PITPNM2: variants seen among roughly 807,000 people sequenced by gnomAD.
The protein encoded by PITPNM2 is membrane-associated phosphatidylinositol transfer protein 2.
A neutral mutation model predicts 132.2 loss-of-function variants in PITPNM2; 35 were observed. The ratio of observed to expected loss-of-function variants is 0.26; its 90% CI spans 0.20 to 0.35. The LOEUF is 0.35. Ranked by LOEUF, PITPNM2 falls within the 10% of genes least tolerant of loss-of-function variation. The pLI, the probability that PITPNM2 is intolerant of heterozygous loss-of-function variation, is 1.00. For synonymous variants in PITPNM2, 738 were observed against 799.2 expected (o/e 0.92, Z 1.29); for missense variants, 1,332 against 1,912.0 (o/e 0.70, Z 5.66).
At position 123,117,532 on chromosome 12, in the gene PITPNM2, T is replaced by C. The variant is rs1258956163; in HGVS notation, c.-199-7044A>G. Among the ~76,000 whole-genome samples, 1 of 152,208 alleles carries C rather than the reference T, an allele frequency of 6.6e-6. No individual in the cohort carries two copies. The highest frequency in any genetic ancestry group is 1.5e-5 in the Non-Finnish European group (1 of 68,036). ...CATCTGTAGAGTGAGGAGGCTGGGC[T>C]TCATGACCTCTGAAAGGGTTCTCAG... On this transcript the variant is annotated intron_variant, in intron 1 of 25. Transcript: ENST00000320201. The surrounding 1 kb of genome is among the most constrained non-coding windows in gnomAD (Gnocchi z 4.7).
At chr12:123,112,006 C>A (rs1420596837) in intron 1 of PITPNM2, among the ~76,000 whole-genome samples, 1 of 152,160 alleles carries the variant, frequency 6.6e-6, no homozygotes, top group Non-Finnish European at 1.5e-5. Context: ...CCGCTCCAGC[C>A]CACCACAATG....
intron 1 of PITPNM2, among the ~76,000 whole-genome samples, chr12:123,110,871 G>A (rs1243898964): frequency 6.6e-6 from 1 of 152,240 alleles, no homozygotes; most frequent in Admixed American, 6.5e-5. Flanking sequence ...ACCGCAGAGA[G>A]GAGGCTGGAA....
At chr12:123,090,838 G>T (rs772908421) in intron 2 of PITPNM2, 2 of 152,260 alleles carry the variant, frequency 1.3e-5, no homozygotes, top group Non-Finnish European at 2.9e-5. Context: ...CCACATTGTG[G>T]TCTTCCTAAC....
chr12:123,046,109 AC>A (rs1221895693), intron 2 of PITPNM2, among the ~76,000 whole-genome samples: 7 of 151,694 alleles, frequency 4.6e-5, no homozygotes, highest in African/African-American at 1.5e-4. Flanking sequence ...CTTAGTCCCC[AC>A]CCCGACCCTG....
intron 2 of PITPNM2, among the ~76,000 whole-genome samples, chr12:123,069,927 C>G (rs1483629742): frequency 6.6e-6 from 1 of 152,168 alleles, no homozygotes; most frequent in Non-Finnish European, 1.5e-5. Context: ...CCCAAGGTGA[C>G]AGTGAAAAGC....
chr12:123,113,187 G>A (rs1392806536), intron 1 of PITPNM2, among the ~76,000 whole-genome samples: 1 of 152,234 alleles, frequency 6.6e-6, no homozygotes, highest in African/African-American at 2.4e-5. Context: ...TGAGTGGGTA[G>A]TGCTGCCGAA....
chr12:123,102,235 G>A (rs79769662), intron 2 of PITPNM2, among the ~76,000 whole-genome samples: 2,888 of 152,302 alleles, frequency 0.019, 38 homozygotes, highest in South Asian at 0.063. Flanking sequence ...TGCTGTGGGG[G>A]AAGATGCTGC....
chr12:122,989,225 TCTC>T (rs2038077577), intron 18 of PITPNM2, among the ~76,000 whole-genome samples: 2 of 152,076 alleles, frequency 1.3e-5, no homozygotes, highest in East Asian at 1.9e-4. Context: ...CCATTCCTGT[TCTC>T]CTATCTTCCC....
At chr12:123,024,572 T>C (rs2039785313) in intron 3 of PITPNM2, among the ~76,000 whole-genome samples, 1 of 152,150 alleles carries the variant, frequency 6.6e-6, no homozygotes, top group Non-Finnish European at 1.5e-5. Flanking sequence ...TACCATGGAA[T>C]GGAATATTAT....
intron 2 of PITPNM2, among the ~76,000 whole-genome samples, chr12:123,094,080 G>C (rs966740866): frequency 2.0e-5 from 3 of 152,236 alleles, no homozygotes; most frequent in Non-Finnish European, 2.9e-5. Flanking sequence ...GGGCCACATG[G>C]ACACAAAGCA....
chr12:123,125,798 C>G (rs1406889377), intron 1 of PITPNM2, among the ~76,000 whole-genome samples: 8 of 131,872 alleles, frequency 6.1e-5, no homozygotes, highest in Non-Finnish European at 1.1e-4. Flanking sequence ...GCCGAGATTA[C>G]TCCACTGTAC....
At chr12:123,076,361 G>A (rs2041788821) in intron 2 of PITPNM2, among the ~76,000 whole-genome samples, 1 of 152,168 alleles carries the variant, frequency 6.6e-6, no homozygotes, top group Admixed American at 6.5e-5. Flanking sequence ...GAGGGTCTCT[G>A]GGGGGCTCAA....
In PITPNM2 at chr12:123,031,662, G is replaced by C. The variant is rs2040093888; in HGVS notation, c.78+2851C>G. The stretch of plus-strand genomic sequence containing the variant: ...TCCGACACCCCCAGCCTCAAGGCCT[G>C]CCCAGAGGAGAGCTGCCCAGCCAGC... On this transcript the variant is annotated intron_variant, in intron 3 of 25. Transcript: ENST00000320201. This position sits in a 1 kb window ranked among gnomAD's most constrained non-coding sequence, Gnocchi z 4.5. Among the ~76,000 whole-genome samples the C allele has an allele frequency of 6.6e-6, 1 of 152,152 alleles. No homozygotes were observed. The highest frequency in any genetic ancestry group is 1.5e-5 in the Non-Finnish European group (1 of 68,030).
intron 1 of PITPNM2, among the ~76,000 whole-genome samples, chr12:123,129,077 G>C (rs187858148): frequency 6.6e-6 from 1 of 151,848 alleles, no homozygotes; most frequent in African/African-American, 2.4e-5. Context: ...AGAGATTGCA[G>C]TGAACCAAGA....
intron 16 of PITPNM2, among the ~76,000 whole-genome samples, chr12:122,991,424 G>C (rs1404731002): frequency 6.6e-6 from 1 of 152,232 alleles, no homozygotes; most frequent in Admixed American, 6.5e-5. Flanking sequence ...TTCCCCAGGT[G>C]AGGGGTGGGC....
At chr12:123,025,727 C>T (rs1416448989) in intron 3 of PITPNM2, among the ~76,000 whole-genome samples, 4 of 152,174 alleles carry the variant, frequency 2.6e-5, no homozygotes, top group South Asian at 2.1e-4. Flanking sequence ...CCACCGCACT[C>T]GGCCTATGTG....
At chr12:123,149,174 AG>A (rs2043677920) in intron 1 of PITPNM2, among the ~76,000 whole-genome samples, 1 of 152,224 alleles carries the variant, frequency 6.6e-6, no homozygotes, top group Non-Finnish European at 1.5e-5. Context: ...CTGGAACCCC[AG>A]TCTCTCGACT....
chr12:123,124,170 C>A (rs1293465433), intron 1 of PITPNM2, among the ~76,000 whole-genome samples: 1 of 152,108 alleles, frequency 6.6e-6, no homozygotes, highest in East Asian at 1.9e-4. Flanking sequence ...GCAGGAGAAT[C>A]GCTTGGACCC....
At chr12:123,122,883 GGGTTTTGA>G (rs1566302121) in intron 1 of PITPNM2, among the ~76,000 whole-genome samples, 1 of 152,150 alleles carries the variant, frequency 6.6e-6, no homozygotes, top group Non-Finnish European at 1.5e-5. Flanking sequence ...TCCTTGCCTG[GGGTTTTGA>G]GGTTGAAAAC....
Sources: allele counts gnomAD v4.1 joint callset (sites outside exome capture counted in the v4.1 genomes callset), GRCh38; gene constraint gnomAD v4.1.1; non-coding constraint Gnocchi (gnomAD v3.1); transcripts MANE v1.5; gene names NCBI Gene and HGNC (gene_info 2026-07-23, HGNC 2026-07-21).